ADAM18: variants seen among roughly 807,000 people sequenced by gnomAD.
ADAM18 encodes the protein ADAM metallopeptidase domain 18.
Under a neutral mutation model 94.4 loss-of-function variants are expected in ADAM18, and 117 were observed. That is an observed-to-expected ratio of 1.24 (90% CI 1.07 to 1.45). The LOEUF is 1.45. Ranked by LOEUF, ADAM18 falls within the 40% of genes most tolerant of loss-of-function variation. The pLI is 0.00. For missense variants in ADAM18, 936 were observed against 880.0 expected, an observed-to-expected ratio of 1.06 and a Z score of -0.81; for synonymous variants, 327 against 291.6, an observed-to-expected ratio of 1.12 and a Z score of -1.24.
chr8:39,725,060 C>T (rs951606323), intron 19 of ADAM18, among the ~76,000 whole-genome samples: 2 of 151,770 alleles, frequency 1.3e-5, no homozygotes, highest in Non-Finnish European at 2.9e-5. Context: ...ATACCCACTG[C>T]GTGGTGGGGA....
intron 18 of ADAM18, among the ~76,000 whole-genome samples, chr8:39,715,358 G>A (rs75950353): frequency 0.02 from 3,059 of 151,814 alleles, 92 homozygotes; most frequent in African/African-American, 0.07. Flanking sequence ...CATGGAATGC[G>A]TATATAATAT....
In ADAM18 at chr8:39,706,849, A is replaced by C; in HGVS notation, c.1962A>C (p.Lys654Asn). ...CTGGACATAGACCTCCAGATTGTAAATTCCAGTTTGGTTCCCCAGGGGGTA... is the reference window on the plus strand; with the variant it reads ...CTGGACATAGACCTCCAGATTGTAACTTCCAGTTTGGTTCCCCAGGGGGTA... ...CFPGHRPPDCKFQFGSPGGSI... is the reference protein window; with the variant it reads ...CFPGHRPPDCNFQFGSPGGSI... Residue 654 changes from lysine (K) to asparagine (N), a missense_variant, in exon 18 of 20, where the codon AAA (lysine) becomes AAC (asparagine). By Grantham distance (94) the Lys-to-Asn change is moderately conservative. Transcript: ENST00000265707. 3.1e-6 allele frequency: 5 copies of C among 1,611,364 alleles called. No individual in the cohort carries two copies. Among genetic ancestry groups the C allele is most frequent in the Non-Finnish European group, 4.2e-6 (5 of 1,178,136 alleles).
At chr8:39,725,107 G>C (rs768803732) in intron 19 of ADAM18, among the ~76,000 whole-genome samples, 14 of 151,870 alleles carry the variant, frequency 9.2e-5, no homozygotes, top group Non-Finnish European at 1.2e-4. Context: ...GTGGTTGATG[G>C]TATCGTTTAA....
intron 12 of ADAM18, among the ~76,000 whole-genome samples, chr8:39,654,200 A>T (rs7831283): frequency 0.64 from 88,986 of 138,588 alleles, 30,624 homozygotes; most frequent in Non-Finnish European, 0.76. Flanking sequence ...CTGAGTCACC[A>T]GGGCTGGAGT....
chr8:39,609,633 G>A (rs1819205136), intron 5 of ADAM18, 72 bp downstream of exon 5: 2 of 1,020,750 alleles, frequency 2.0e-6, no homozygotes, highest in African/African-American at 3.2e-5. Context: ...TTAGTGACTA[G>A]CAGACACAAA....
chr8:39,659,305 T>C (rs1241765995), intron 12 of ADAM18, among the ~76,000 whole-genome samples: 1 of 151,904 alleles, frequency 6.6e-6, no homozygotes, highest in Non-Finnish European at 1.5e-5. Context: ...ACATGGAAAA[T>C]TACCTACGAA....
intron 2 of ADAM18, among the ~76,000 whole-genome samples, chr8:39,601,864 A>C (rs1368504461): frequency 6.6e-6 from 1 of 151,912 alleles, no homozygotes; most frequent in African/African-American, 2.4e-5. Context: ...CCATCTTTCT[A>C]CTTTTTGTTT....
intron 5 of ADAM18, 75 bp downstream of exon 5, chr8:39,609,636 G>C: frequency 1.0e-6 from 1 of 989,670 alleles, no homozygotes; most frequent in Non-Finnish European, 1.5e-6. Flanking sequence ...GTGACTAGCA[G>C]ACACAAATCA....
intron 12 of ADAM18, among the ~76,000 whole-genome samples, chr8:39,660,112 G>A (rs1820795638): frequency 6.6e-6 from 1 of 151,950 alleles, no homozygotes; most frequent in Non-Finnish European, 1.5e-5. Flanking sequence ...GTGCACAAAT[G>A]AGAAAGGAAG....
chr8:39,726,535 C>G (rs1008215270), intron 19 of ADAM18, among the ~76,000 whole-genome samples: 2 of 152,022 alleles, frequency 1.3e-5, no homozygotes, highest in African/African-American at 2.4e-5. Context: ...GTTTCTTTTG[C>G]TATGCAAAAG....
chr8:39,595,191 T>G (rs574578512), intron 2 of ADAM18, among the ~76,000 whole-genome samples: 1 of 152,316 alleles, frequency 6.6e-6, no homozygotes, highest in Non-Finnish European at 1.5e-5. Context: ...CATGCTGTGG[T>G]TGAGCCCTTC....
chr8:39,715,099 G>T (rs1049091830), intron 18 of ADAM18, among the ~76,000 whole-genome samples: 5 of 151,932 alleles, frequency 3.3e-5, no homozygotes, highest in Admixed American at 1.3e-4. Context: ...ACCTTAACAA[G>T]CCTAAGCAAT....
intron 18 of ADAM18, among the ~76,000 whole-genome samples, chr8:39,721,749 A>T (rs1822755632): frequency 6.6e-6 from 1 of 151,594 alleles, no homozygotes; most frequent in Non-Finnish European, 1.5e-5. Flanking sequence ...AAGTCATAAA[A>T]CAACAGATGT....
chr8:39,643,961 A>C (rs1820307571), intron 10 of ADAM18, among the ~76,000 whole-genome samples: 1 of 151,458 alleles, frequency 6.6e-6, no homozygotes, highest in Non-Finnish European at 1.5e-5. Context: ...AAATTCTGAC[A>C]CTGTAACTTT....
intron 11 of ADAM18, among the ~76,000 whole-genome samples, chr8:39,646,142 A>T (rs1820368568): frequency 6.6e-6 from 1 of 151,996 alleles, no homozygotes; most frequent in Non-Finnish European, 1.5e-5. Flanking sequence ...CTTTCCTTGG[A>T]GGCTTAAAGG....
At chr8:39,598,181 A>G (rs1200396308) in intron 2 of ADAM18, among the ~76,000 whole-genome samples, 1 of 151,942 alleles carries the variant, frequency 6.6e-6, no homozygotes, top group Non-Finnish European at 1.5e-5. Context: ...CAATCCTCTC[A>G]GAATTTCTAC....
At chr8:39,670,790 A>T (rs1296049386) in intron 14 of ADAM18, among the ~76,000 whole-genome samples, 1 of 152,272 alleles carries the variant, frequency 6.6e-6, no homozygotes, top group African/African-American at 2.4e-5. Context: ...GTCATCAAGT[A>T]GTCTTCAGCT....
In ADAM18 at chr8:39,677,416, T is replaced by G. The variant is rs777980562; in HGVS notation, c.1526-15T>G. 6.4e-7 allele frequency: 1 copy of G among 1,574,652 alleles called. No homozygotes were observed. Among genetic ancestry groups the G allele is most frequent in the African/African-American group, 1.4e-5 (1 of 73,344 alleles). ...ATTAAGAATGATAATTCAACTGACA[T>G]GTTTGCATTTTAAGGTGCTCAAGGT... On this transcript the variant is annotated splice_polypyrimidine_tract_variant and intron_variant, in intron 14 of 19. Transcript: ENST00000265707.
At chr8:39,696,795 T>G (rs1821938708) in intron 17 of ADAM18, among the ~76,000 whole-genome samples, 1 of 151,564 alleles carries the variant, frequency 6.6e-6, no homozygotes, top group Admixed American at 6.6e-5. Context: ...CCTCAGGAAG[T>G]ATAAGTTATT....
Sources: gnomAD v4.1 joint callset for allele counts (sites outside exome capture counted in the v4.1 genomes callset) on GRCh38, gnomAD v4.1.1 for gene constraint, MANE v1.5 for transcripts, NCBI Gene and HGNC (gene_info 2026-07-23, HGNC 2026-07-21) for gene names.